WDR7: variants seen among roughly 807,000 people sequenced by gnomAD.
The protein encoded by WDR7 is WD repeat domain 7, also known as WD repeat-containing protein 7.
In WDR7, 46 loss-of-function variants were observed where a neutral mutation model predicts 169.4. That is an observed-to-expected ratio of 0.27 (90% CI 0.21 to 0.35). The LOEUF is 0.35. Ranked by LOEUF, WDR7 falls within the 10% of genes least tolerant of loss-of-function variation. WDR7 has a pLI of 1.00. For missense variants in WDR7, 1,534 were observed against 1,859.3 expected (o/e 0.83, Z 3.22); for synonymous variants, 612 against 666.8 (o/e 0.92, Z 1.27).
At chr18:56,990,484 A>C (rs1219942239) in intron 26 of WDR7, among the ~76,000 whole-genome samples, 1 of 152,232 alleles carries the variant, frequency 6.6e-6, no homozygotes, top group Non-Finnish European at 1.5e-5. Context: ...AGATGAGAAC[A>C]TATGATTTCT....
At chr18:56,710,019 T>TTTTTTTA (rs2026049980) in intron 12 of WDR7, among the ~76,000 whole-genome samples, 1 of 147,906 alleles carries the variant, frequency 6.8e-6, no homozygotes. Flanking sequence ...TTTTTTTTTT[T>TTTTTTTA]TTGTGATGGA....
At chr18:56,710,205 G>A (rs964911058) in intron 12 of WDR7, among the ~76,000 whole-genome samples, 2 of 151,656 alleles carry the variant, frequency 1.3e-5, no homozygotes, top group South Asian at 2.1e-4. Context: ...GGGTTTCACC[G>A]TGTTAGCCAG....
At chr18:56,874,946 C>T (rs1430531041) in intron 20 of WDR7, among the ~76,000 whole-genome samples, 6 of 152,140 alleles carry the variant, frequency 3.9e-5, no homozygotes, top group African/African-American at 9.7e-5. Flanking sequence ...CCCTTACATA[C>T]GTTAAGCCAC....
intron 9 of WDR7, among the ~76,000 whole-genome samples, chr18:56,692,913 A>C (rs1473124828): frequency 1.3e-5 from 2 of 152,138 alleles, no homozygotes; most frequent in Non-Finnish European, 2.9e-5. Flanking sequence ...TACAAAAAAA[A>C]AAATTAGCAT....
chr18:56,932,486 A>C (rs1236039543), intron 22 of WDR7, among the ~76,000 whole-genome samples: 1 of 152,212 alleles, frequency 6.6e-6, no homozygotes, highest in Non-Finnish European at 1.5e-5. Flanking sequence ...ATTTGTTGAC[A>C]TGGGGGAAGG....
chr18:56,883,108 G>A (rs974806839), intron 21 of WDR7, among the ~76,000 whole-genome samples: 3 of 151,986 alleles, frequency 2.0e-5, no homozygotes, highest in Admixed American at 1.3e-4. Context: ...TGCTCGGGAG[G>A]CTGAGGCAGG....
intron 2 of WDR7, among the ~76,000 whole-genome samples, chr18:56,677,952 T>TAAA (rs2025276908): frequency 6.6e-6 from 1 of 152,176 alleles, no homozygotes; most frequent in Non-Finnish European, 1.5e-5. Context: ...GGCTTTTTAT[T>TAAA]CTCTTTTCTT....
chr18:56,665,603 A>G (rs948261310), intron 1 of WDR7, among the ~76,000 whole-genome samples: 1 of 152,190 alleles, frequency 6.6e-6, no homozygotes, highest in Non-Finnish European at 1.5e-5. Context: ...GTTCCATTAT[A>G]AAGCTCTATC....
At chr18:56,696,165 A>G (rs1568142703) in intron 11 of WDR7, 77 bp from the exon 12 acceptor site, 2 of 1,213,586 alleles carry the variant, frequency 1.6e-6, no homozygotes, top group Non-Finnish European at 1.1e-6. Context: ...TATTCTAAAC[A>G]TTCATGTTTA....
chr18:56,755,847 G>A (rs554294683), intron 14 of WDR7, among the ~76,000 whole-genome samples: 1 of 152,182 alleles, frequency 6.6e-6, no homozygotes, highest in Admixed American at 6.5e-5. Context: ...CTGGAGAGGT[G>A]GCTTCTTATT....
At chr18:56,935,448 A>G (rs116340139) in intron 22 of WDR7, among the ~76,000 whole-genome samples, 1,846 of 152,348 alleles carry the variant, frequency 0.012, 52 homozygotes, top group African/African-American at 0.043. Flanking sequence ...TTTTTAGGAA[A>G]AATTTGAAAA....
At chr18:56,959,531 A>C (rs1393252263) in intron 25 of WDR7, among the ~76,000 whole-genome samples, 1 of 152,168 alleles carries the variant, frequency 6.6e-6, no homozygotes, top group Non-Finnish European at 1.5e-5. Flanking sequence ...AAACATGAAT[A>C]TAAAAATGGT....
chr18:56,912,158 G>A (rs938534963), intron 21 of WDR7, among the ~76,000 whole-genome samples: 1 of 152,186 alleles, frequency 6.6e-6, no homozygotes, highest in Non-Finnish European at 1.5e-5. Flanking sequence ...TGGAGTGTTA[G>A]GTGAGTTTTA....
intron 14 of WDR7, among the ~76,000 whole-genome samples, chr18:56,740,725 G>C (rs1436839408): frequency 6.6e-6 from 1 of 152,100 alleles, no homozygotes; most frequent in East Asian, 1.9e-4. Context: ...GTTGAGTCCT[G>C]AATCCTACTT....
chr18:56,734,943 G>A (rs1337530620), intron 14 of WDR7, among the ~76,000 whole-genome samples: 1 of 152,160 alleles, frequency 6.6e-6, no homozygotes, highest in Non-Finnish European at 1.5e-5. Flanking sequence ...TTAGTAGGAA[G>A]TTAGTTTGAG....
At chr18:56,902,303 C>T (rs1212124666) in intron 21 of WDR7, among the ~76,000 whole-genome samples, 1 of 152,144 alleles carries the variant, frequency 6.6e-6, no homozygotes, top group Non-Finnish European at 1.5e-5. Context: ...AATCATAGTG[C>T]TGAGCCTATC....
At chr18:56,754,225 A>G (rs2043839492) in intron 14 of WDR7, among the ~76,000 whole-genome samples, 1 of 150,026 alleles carries the variant, frequency 6.7e-6, no homozygotes, top group East Asian at 1.9e-4. Context: ...GCAGCAGTAT[A>G]TCTTGGAGGA....
intron 19 of WDR7, among the ~76,000 whole-genome samples, chr18:56,797,041 C>T (rs2044596726): frequency 6.6e-6 from 1 of 152,176 alleles, no homozygotes; most frequent in South Asian, 2.1e-4. Flanking sequence ...TTCTTTCCCT[C>T]CCTGAGGCAC....
At chr18:56,800,846 G>A (rs527242565) in intron 19 of WDR7, among the ~76,000 whole-genome samples, 2 of 152,282 alleles carry the variant, frequency 1.3e-5, no homozygotes, top group Non-Finnish European at 2.9e-5. Context: ...CGTAGAATCA[G>A]TCATTTCTCT....
Sources: gnomAD v4.1 joint callset for allele counts (sites outside exome capture counted in the v4.1 genomes callset) on GRCh38, gnomAD v4.1.1 for gene constraint, MANE v1.5 for transcripts, NCBI Gene and HGNC (gene_info 2026-07-23, HGNC 2026-07-21) for gene names.